The following CHST1 variants were observed in gnomAD, a reference collection of about 807,000 sequenced individuals.
CHST1 encodes the protein carbohydrate sulfotransferase 1.
Under a neutral mutation model 22.5 loss-of-function variants are expected in CHST1, and 10 were observed. That is an observed-to-expected ratio of 0.44 (90% CI 0.27 to 0.75). The LOEUF (loss-of-function observed/expected upper bound fraction) is 0.75, where lower values mean the gene tolerates loss of function less well. Among genes scored for constraint, CHST1 ranks in the 30% least tolerant of loss-of-function variants. The probability of loss-of-function intolerance (pLI) is 0.15; values close to 1 mark genes in which losing one functional copy is unlikely to be tolerated. For missense variants in CHST1, 439 were observed against 576.1 expected (o/e 0.76, Z 2.44); for synonymous variants, 267 against 264.5 (o/e 1.01, Z -0.09).
chr11:45,649,411 T>C lies in CHST1; in HGVS notation c.*277A>G, dbSNP rs2120312279. ...GTAAATGTGGTGCTTGTAAACATTG[T>C]CACCGTCCGCACAGAGACCCAACAT... On this transcript the variant is annotated 3_prime_UTR_variant, in exon 4 of 4. Coordinates refer to ENST00000308064, the MANE Select transcript of CHST1 (RefSeq NM_003654.6). 2.2e-6 allele frequency: 1 copy of C among 445,432 alleles called. No homozygotes were observed. Among genetic ancestry groups the C allele is most frequent in the East Asian group, 3.5e-5 (1 of 28,806 alleles). 27.6% of individuals were successfully genotyped at this position (445,432 alleles called of 1,614,324 possible).
At chr11:45,651,112 T>A in intron 3 of CHST1, 147 bp from the exon 4 acceptor site, 1 of 500,102 alleles carries the variant, frequency 2.0e-6, no homozygotes, top group African/African-American at 1.9e-5. Context: ...AAGCAGCTTC[T>A]ACACTAGACT....
At chr11:45,659,507 GCTTGAGGGCTGCCAATGCTGCC>G (rs1852103529) in intron 1 of CHST1, among the ~76,000 whole-genome samples, 1 of 152,176 alleles carries the variant, frequency 6.6e-6, no homozygotes, top group South Asian at 2.1e-4. Context: ...CACTGGTGGG[GCTTGAGGGCTGCCAATGCTGCC>G]CTTCCTGGTT....
chr11:45,653,317 C>T (rs1299333138), intron 1 of CHST1, among the ~76,000 whole-genome samples: 2 of 152,138 alleles, frequency 1.3e-5, no homozygotes, highest in African/African-American at 4.8e-5. Context: ...AATTTCACTT[C>T]TTTAGGAATC....
At chr11:45,661,373 C>A (rs566310615) in intron 1 of CHST1, among the ~76,000 whole-genome samples, 250 of 152,308 alleles carry the variant, frequency 1.6e-3, no homozygotes, top group Non-Finnish European at 2.5e-3. Flanking sequence ...AGTAAACAGT[C>A]CGTTAATGAA....
At position 45,650,563 on chromosome 11, in the gene CHST1, G is replaced by C; in HGVS notation, c.361C>G (p.Arg121Gly). Reference protein sequence around the residue: ...ADRRVMLGASRDLLRSLYDCD... With the variant: ...ADRRVMLGASGDLLRSLYDCD... ...TCGTAGAGGCTCCGCAGGAGGTCGC[G>C]GCTGGCGCCTAGCATGACCCGCCGG... is the stretch of plus-strand genomic sequence containing the variant. Residue 121 changes from arginine (R) to glycine (G), a missense_variant, in exon 4 of 4, where the codon CGC becomes GGC. Arg to Gly is a moderately radical substitution (Grantham distance 125). Transcript: ENST00000308064. 6.2e-7 allele frequency: 1 copy of C among 1,613,920 alleles called. No homozygotes were observed. The highest frequency in any genetic ancestry group is 8.5e-7 in the Non-Finnish European group (1 of 1,179,980).
In CHST1 at chr11:45,650,963, G is replaced by A. The variant is rs1851991242; in HGVS notation, c.-40C>T. 5.3e-6 allele frequency: 8 copies of A among 1,512,688 alleles called. No homozygotes were observed. The highest frequency in any genetic ancestry group is 7.1e-6 in the Non-Finnish European group (8 of 1,132,058). The allele number at this position is 1,512,688 out of a possible 1,614,324, so 93.7% of individuals were successfully genotyped here. ...ATGGGGCTGCTTCTCCAAGGGGTGA[G>A]GTCTGTGGGCAAAGGCGGCCAGCGG... On this transcript the variant is annotated splice_region_variant and 5_prime_UTR_variant, in exon 4 of 4. Coordinates refer to ENST00000308064, the MANE Select transcript of CHST1 (RefSeq NM_003654.6).
At chr11:45,663,271 C>G (rs998868947) in intron 1 of CHST1, among the ~76,000 whole-genome samples, 7 of 152,124 alleles carry the variant, frequency 4.6e-5, no homozygotes, top group Non-Finnish European at 8.8e-5. Flanking sequence ...CACAGAGGTA[C>G]TCCTCCTCCG....
rs1457815120 is a variant in CHST1, at chr11:45,650,424, T to C, written c.500A>G (p.Asp167Gly). 6.2e-7 allele frequency: 1 copy of C among 1,607,522 alleles called. No homozygotes were observed. The highest frequency in any genetic ancestry group is 8.5e-7 in the Non-Finnish European group (1 of 1,179,652). ...SRVLCSRPVC[D>G]PPGPADLVLE... Reference sequence around the variant, plus strand: ...GACCAGGTCGGCTGGCCCCGGAGGGTCGCACACAGGCCGGGAGCAGAGGAC... The same window carrying C: ...GACCAGGTCGGCTGGCCCCGGAGGGCCGCACACAGGCCGGGAGCAGAGGAC... The change falls in exon 4 of 4, where the codon GAC becomes GGC. Residue 167 changes from aspartate (D) to glycine (G), a missense_variant. Coordinates refer to ENST00000308064, the MANE Select transcript of CHST1 (RefSeq NM_003654.6).
At position 45,650,804 on chromosome 11, in the gene CHST1, G is replaced by A. The variant is rs145902794; in HGVS notation, c.120C>T (p.Ala40=). Residue 40 remains alanine (A), a synonymous_variant, in exon 4 of 4, where the codon GCC becomes GCT. Transcript: ENST00000308064. ...CCTCGCACAGTCGCTCGGCCAGCCC[G>A]GCCTCTGCCAGCCCGGGGCAGGTGT... ...SFHTCPGLAE[A]GLAERLCEES... 2.2e-5 allele frequency: 36 copies of A among 1,612,862 alleles called. No homozygotes were observed. In the African/African-American group the frequency reaches 2.7e-4, roughly 12 times the overall value.
intron 1 of CHST1, among the ~76,000 whole-genome samples, chr11:45,663,025 CT>C (rs1432154389): frequency 6.6e-6 from 1 of 152,242 alleles, no homozygotes; most frequent in Non-Finnish European, 1.5e-5. Context: ...CTGAACAAGT[CT>C]GTTTCCATGG....
At chr11:45,658,875 C>T (rs962394201) in intron 1 of CHST1, among the ~76,000 whole-genome samples, 3 of 152,054 alleles carry the variant, frequency 2.0e-5, no homozygotes, top group Non-Finnish European at 4.4e-5. Flanking sequence ...TCCGGCCCAT[C>T]CTCCCAGCTT....
chr11:45,651,376 G>A (rs4148901), intron 3 of CHST1: 1 of 156,102 alleles, frequency 6.4e-6, no homozygotes, highest in Admixed American at 6.5e-5. Flanking sequence ...TCTCCAGGTG[G>A]TCCTCTTTCC....
intron 1 of CHST1, among the ~76,000 whole-genome samples, chr11:45,663,627 T>G (rs981861841): frequency 6.6e-6 from 1 of 151,880 alleles, no homozygotes; most frequent in South Asian, 2.1e-4. Context: ...CAGCAGAGTT[T>G]GGGGGATGAT....
intron 1 of CHST1, among the ~76,000 whole-genome samples, chr11:45,659,435 C>T (rs41422447): frequency 0.022 from 3,364 of 152,218 alleles, 114 homozygotes; most frequent in African/African-American, 0.076. Flanking sequence ...TCACCCCCGA[C>T]CCAGATACTG....
chr11:45,661,888 C>A (rs754646793), intron 1 of CHST1, among the ~76,000 whole-genome samples: 4 of 152,200 alleles, frequency 2.6e-5, no homozygotes, highest in African/African-American at 9.6e-5. Flanking sequence ...TCTCCCCTAG[C>A]TGCACTCCTC....
Position 45,650,256 on chromosome 11 carries a change from G to A in CHST1, c.668C>T (p.Pro223Leu), listed in dbSNP as rs750719004. The A allele has an allele frequency of 3.7e-6, 6 of 1,607,254 alleles. No homozygotes were observed. The highest frequency in any genetic ancestry group is 5.1e-6 in the Non-Finnish European group (6 of 1,179,316). ...VNDLRALVED[P>L]RLNLKVIQLV... ...CTGGATGACCTTGAGGTTTAATCGC[G>A]GGTCTTCCACCAGGGCGCGCAGGTC... Residue 223 changes from proline (P) to leucine (L), a missense_variant, in exon 4 of 4, where the codon CCG (proline) becomes CTG (leucine). Physicochemically the swap from Pro to Leu is moderately conservative, Grantham distance 98. Transcript: ENST00000308064.
chr11:45,653,675 C>A (rs1455461842), intron 1 of CHST1, among the ~76,000 whole-genome samples: 2 of 152,242 alleles, frequency 1.3e-5, no homozygotes, highest in Non-Finnish European at 2.9e-5. Context: ...GCTGCAGCAT[C>A]ATTTCATTTG....
chr11:45,656,522 G>A (rs1349052575), intron 1 of CHST1, among the ~76,000 whole-genome samples: 2 of 152,194 alleles, frequency 1.3e-5, no homozygotes, highest in Admixed American at 1.3e-4. Flanking sequence ...AGCTAGTAAC[G>A]GGAGATGTCC....
In CHST1 at chr11:45,650,714, G is replaced by A. The variant is rs771255842; in HGVS notation, c.210C>T (p.Arg70=). 8.7e-6 allele frequency: 14 copies of A among 1,614,156 alleles called. No homozygotes were observed. In the South Asian group the frequency reaches 1.5e-4, roughly 18 times the overall value. The change falls in exon 4 of 4, where the codon CGC becomes CGT. Residue 70 remains arginine (R), a synonymous_variant. Coordinates refer to ENST00000308064, the MANE Select transcript of CHST1 (RefSeq NM_003654.6). ...GCTGGCCCACGAAGGAGGAGCCACT[G>A]CGCGTGGTGGCCAGGATGAGGATGT... ...KTHILILATT[R]SGSSFVGQLF...
Sources: allele counts gnomAD v4.1 joint callset (sites outside exome capture counted in the v4.1 genomes callset), GRCh38; gene constraint gnomAD v4.1.1; transcripts MANE v1.5; gene names NCBI Gene and HGNC (gene_info 2026-07-23, HGNC 2026-07-21).